Variants in TAMM41 observed in about 807,000 individuals in gnomAD.
TAMM41 encodes the protein phosphatidate cytidylyltransferase, mitochondrial.
TAMM41 carries 36 observed loss-of-function variants against 44.1 expected under a neutral mutation model. That is an observed-to-expected ratio of 0.82 (90% CI 0.63 to 1.08). TAMM41 has a LOEUF of 1.08. Among genes scored for constraint, TAMM41 ranks in the 50% least tolerant of loss-of-function variants. The probability of loss-of-function intolerance (pLI) is 0.00; values close to 1 mark genes in which losing one functional copy is unlikely to be tolerated. For synonymous variants in TAMM41, 164 were observed against 153.1 expected (o/e 1.07, Z -0.53); for missense variants, 417 against 404.3 (o/e 1.03, Z -0.27).
chr3:11,773,951 T>C, the TAMM41 span, among the ~76,000 whole-genome samples: 1 of 152,092 alleles, frequency 6.6e-6, no homozygotes, highest in South Asian at 2.1e-4. Context: ...TAGCAGGGCA[T>C]GGTGGTGCAT....
intron 7 of TAMM41, among the ~76,000 whole-genome samples, chr3:11,791,754 GA>G (rs1386078520): frequency 2.0e-5 from 3 of 152,104 alleles, no homozygotes; most frequent in Non-Finnish European, 4.4e-5. Context: ...AGTGGCAGGG[GA>G]GCAGTAAAAT....
chr3:11,722,303 C>A, the TAMM41 span, among the ~76,000 whole-genome samples: 1 of 152,206 alleles, frequency 6.6e-6, no homozygotes, highest in Non-Finnish European at 1.5e-5. Context: ...CTGGCAACAT[C>A]TAAGCCTGGT....
rs1030886486 is a variant in TAMM41 at position 11,844,317 on chromosome 3, A to G, written c.136-106T>C. On this transcript the variant is annotated intron_variant, in intron 1 of 7. Transcript: ENST00000455809. ...CTACGCAATTATGATCAATAGTCAG[A>G]AGGCCTGGTGCTGTCATCAGAAATG... 6.6e-6 allele frequency: 7 copies of G among 1,055,986 alleles called. No homozygotes were observed. In the Admixed American group the frequency reaches 1.6e-4, roughly 24 times the overall value. 65.4% of individuals were successfully genotyped at this position (1,055,986 alleles called of 1,614,324 possible).
the TAMM41 span, among the ~76,000 whole-genome samples, chr3:11,734,878 C>CAAAAAAAAAAAA: frequency 4.5e-4 from 33 of 73,266 alleles, no homozygotes; most frequent in African/African-American, 1.2e-3. Context: ...TACTAAAATA[C>CAAAAAAAAAAAA]AAAAAAAAAA....
chr3:11,779,768 C>A, the TAMM41 span, among the ~76,000 whole-genome samples: 1 of 152,336 alleles, frequency 6.6e-6, no homozygotes, highest in South Asian at 2.1e-4. Flanking sequence ...GGGGAGCCAA[C>A]TGTTTACTCA....
At chr3:11,728,803 G>A in the TAMM41 span, among the ~76,000 whole-genome samples, 1 of 152,186 alleles carries the variant, frequency 6.6e-6, no homozygotes, top group Non-Finnish European at 1.5e-5. Context: ...GAGGTCGGGA[G>A]TTCGAGACCA....
intron 7 of TAMM41, among the ~76,000 whole-genome samples, chr3:11,798,965 A>T (rs1259943634): frequency 6.6e-6 from 1 of 152,178 alleles, no homozygotes; most frequent in Non-Finnish European, 1.5e-5. Flanking sequence ...CTATAATTCC[A>T]GCACTTTGGG....
the TAMM41 span, among the ~76,000 whole-genome samples, chr3:11,737,540 G>A: frequency 2.0e-5 from 3 of 151,776 alleles, no homozygotes; most frequent in Admixed American, 6.6e-5. Flanking sequence ...GGTTGGTCTC[G>A]AACTCCTGAC....
chr3:11,798,052 G>T (rs1298070312), intron 7 of TAMM41, among the ~76,000 whole-genome samples: 1 of 152,130 alleles, frequency 6.6e-6, no homozygotes, highest in East Asian at 1.9e-4. Flanking sequence ...GCTGGCAGGG[G>T]TGTAAATTAG....
intron 7 of TAMM41, among the ~76,000 whole-genome samples, chr3:11,798,179 T>A (rs750187781): frequency 2.0e-5 from 3 of 152,134 alleles, no homozygotes; most frequent in Non-Finnish European, 4.4e-5. Flanking sequence ...ATTCATTATA[T>A]CACAAGGACA....
the TAMM41 span, among the ~76,000 whole-genome samples, chr3:11,743,021 C>A: frequency 1.6e-4 from 24 of 152,102 alleles, no homozygotes; most frequent in African/African-American, 5.3e-4. Flanking sequence ...GAGTGTAGGC[C>A]CCCCCAACCA....
chr3:11,843,473 A>C (rs2079538105), intron 2 of TAMM41: 1 of 152,770 alleles, frequency 6.5e-6, no homozygotes, highest in Non-Finnish European at 1.5e-5. Context: ...TCAGTGGCTC[A>C]CGCCTGTAAT....
the TAMM41 span, among the ~76,000 whole-genome samples, chr3:11,750,909 C>G: frequency 6.6e-6 from 1 of 152,112 alleles, no homozygotes; most frequent in Non-Finnish European, 1.5e-5. Context: ...CCATCCCTCT[C>G]TCCTTCTCTC....
the TAMM41 span, among the ~76,000 whole-genome samples, chr3:11,746,082 C>T: frequency 2.0e-5 from 3 of 152,170 alleles, no homozygotes; most frequent in South Asian, 2.1e-4. Context: ...AGGTGGATCA[C>T]GAGGTCAGGA....
At chr3:11,769,023 G>A in the TAMM41 span, among the ~76,000 whole-genome samples, 476 of 152,304 alleles carry the variant, frequency 3.1e-3, 7 homozygotes, top group African/African-American at 3.9e-3. Context: ...TGTGAGAGCC[G>A]AGGGTGAGCA....
At chr3:11,738,865 C>T in the TAMM41 span, among the ~76,000 whole-genome samples, 6 of 152,188 alleles carry the variant, frequency 3.9e-5, no homozygotes, top group East Asian at 3.9e-4. Context: ...AGCAAACTCC[C>T]GCTTGACCCT....
the TAMM41 span, among the ~76,000 whole-genome samples, chr3:11,767,100 A>C: frequency 6.6e-6 from 1 of 152,062 alleles, no homozygotes. Context: ...ACAGAGTCTC[A>C]CTATGTCACC....
At chr3:11,837,318 G>A (rs1257708863) in intron 3 of TAMM41, among the ~76,000 whole-genome samples, 1 of 151,964 alleles carries the variant, frequency 6.6e-6, no homozygotes, top group Non-Finnish European at 1.5e-5. Context: ...CCTTATAGTA[G>A]GAAGTGTGAG....
chr3:11,763,228 C>G, the TAMM41 span, among the ~76,000 whole-genome samples: 1 of 152,140 alleles, frequency 6.6e-6, no homozygotes, highest in Non-Finnish European at 1.5e-5. Context: ...AGCCTTGACC[C>G]CTTGGGCTCA....
Sources: gnomAD v4.1 joint callset for allele counts (sites outside exome capture counted in the v4.1 genomes callset) on GRCh38, gnomAD v4.1.1 for gene constraint, MANE v1.5 for transcripts, NCBI Gene and HGNC (gene_info 2026-07-23, HGNC 2026-07-21) for gene names.